IQSEC1: variants seen among roughly 807,000 people sequenced by gnomAD.
IQSEC1 encodes the protein IQ motif and SEC7 domain-containing protein 1.
In IQSEC1, 31 loss-of-function variants were observed where a neutral mutation model predicts 91.0. The observed-to-expected ratio is 0.34, with a 90% CI of 0.26 to 0.46. The LOEUF is 0.46. Among genes scored for constraint, IQSEC1 ranks in the 20% least tolerant of loss-of-function variants. IQSEC1 has a pLI of 1.00. For synonymous variants in IQSEC1, 699 were observed against 662.6 expected (o/e 1.05, Z -0.84); for missense variants, 1,388 against 1,575.6 (o/e 0.88, Z 2.02).
intron 1 of IQSEC1, among the ~76,000 whole-genome samples, chr3:13,234,252 G>A (rs548288001): frequency 7.5e-5 from 11 of 147,026 alleles, no homozygotes; most frequent in Non-Finnish European, 9.1e-5. Context: ...GTGAGCCCCC[G>A]TGTCTGTGCC....
At chr3:12,973,459 C>T (rs1441446579) in intron 1 of IQSEC1, among the ~76,000 whole-genome samples, 1 of 152,176 alleles carries the variant, frequency 6.6e-6, no homozygotes, top group Non-Finnish European at 1.5e-5. Flanking sequence ...GTGGGCACCT[C>T]GACGGTAGGG....
intron 2 of IQSEC1, among the ~76,000 whole-genome samples, chr3:13,084,609 T>A (rs1705704677): frequency 6.6e-6 from 1 of 152,192 alleles, no homozygotes; most frequent in Admixed American, 6.5e-5. Flanking sequence ...CAACAGCATC[T>A]GCCAGTCCCA....
intron 2 of IQSEC1, among the ~76,000 whole-genome samples, chr3:13,101,782 A>G (rs1706069332): frequency 6.6e-6 from 1 of 152,180 alleles, no homozygotes. Context: ...GGCTGGAGAT[A>G]TAAATTTGGG....
At chr3:12,998,440 A>G (rs186114768) in intron 1 of IQSEC1, among the ~76,000 whole-genome samples, 8 of 152,262 alleles carry the variant, frequency 5.3e-5, no homozygotes, top group African/African-American at 1.9e-4. Context: ...AATCCCCAAG[A>G]TATTTTGGTA....
Position 13,103,639 on chromosome 3 carries a change from G to A in IQSEC1, c.303-56117C>T, listed in dbSNP as rs1349000123. On this transcript the variant is annotated intron_variant, in intron 2 of 15. Transcript: ENST00000648114. The surrounding 1 kb of genome is among the most constrained non-coding windows in gnomAD (Gnocchi z 4.1). ...GCAATTTGCAGGATGAGCTTCACAT[G>A]CAGCACGCACTGGGGGTCTGGCTGG... 6.6e-6 allele frequency among the ~76,000 whole-genome samples: 1 copy of A among 152,098 alleles called. No homozygotes were observed. The highest frequency in any genetic ancestry group is 6.5e-5 in the Admixed American group (1 of 15,278).
chr3:12,915,684 A>G lies in IQSEC1; in HGVS notation c.2070T>C (p.Tyr690=). The G allele has an allele frequency of 1.9e-6, 3 of 1,614,178 alleles. No homozygotes were observed. Among genetic ancestry groups the G allele is most frequent in the South Asian group, 2.2e-5 (2 of 91,086 alleles). ...DIPREMLMGI[Y]ERIRKRELKT... ...TTAGCTCTCGCTTACGGATCCGTTC[A>G]TAGATCCCCATCAGCATCTCACGGG... Residue 690 remains tyrosine, a synonymous_variant, in exon 7 of 14, where the codon TAT becomes TAC. Coordinates refer to ENST00000613206, the MANE Select transcript of IQSEC1 (RefSeq NM_001134382.3).
chr3:13,111,001 G>C (rs1238101118), intron 2 of IQSEC1, among the ~76,000 whole-genome samples: 1 of 152,206 alleles, frequency 6.6e-6, no homozygotes, highest in Admixed American at 6.5e-5. Flanking sequence ...ATGAAGATGA[G>C]AGTTCAGAAA....
chr3:13,196,922 G>A (rs1694140377), intron 1 of IQSEC1, among the ~76,000 whole-genome samples: 1 of 152,124 alleles, frequency 6.6e-6, no homozygotes, highest in East Asian at 1.9e-4. Flanking sequence ...TGGGATCCGG[G>A]TGGGGGTGTC....
chr3:13,246,996 T>C (rs766216579), intron 1 of IQSEC1, among the ~76,000 whole-genome samples: 1 of 152,120 alleles, frequency 6.6e-6, no homozygotes, highest in Non-Finnish European at 1.5e-5. Flanking sequence ...AGGCCTTTCT[T>C]GAAAGGAGGT....
intron 1 of IQSEC1, among the ~76,000 whole-genome samples, chr3:13,225,031 G>T (rs971721847): frequency 6.6e-6 from 1 of 152,276 alleles, no homozygotes; most frequent in African/African-American, 2.4e-5. Context: ...CCCAGCAGTA[G>T]TGAGACATTC....
rs560657459 is a variant in IQSEC1 at position 13,009,459 on chromosome 3, C to T, written c.23+63533G>A. Among the ~76,000 whole-genome samples, 7 of 152,086 alleles carry T rather than the reference C, an allele frequency of 4.6e-5. No individual in the cohort carries two copies. The East Asian group carries it at 9.7e-4, about 21-fold the overall frequency. ...AGAGTGGCTGTTTCCCCATCCTGCCCGCTCTCCGCCCTGGCCCTGAGCCAG... is the reference window on the plus strand; with the variant it reads ...AGAGTGGCTGTTTCCCCATCCTGCCTGCTCTCCGCCCTGGCCCTGAGCCAG... On this transcript the variant is annotated intron_variant, in intron 1 of 13. Transcript: ENST00000613206.
At chr3:13,187,861 G>A (rs1457828009) in intron 1 of IQSEC1, among the ~76,000 whole-genome samples, 2 of 152,146 alleles carry the variant, frequency 1.3e-5, no homozygotes, top group African/African-American at 2.4e-5. Context: ...AACCTCCCAT[G>A]GCAGAAAGGA....
At chr3:13,117,213 A>T (rs1218904866) in intron 2 of IQSEC1, among the ~76,000 whole-genome samples, 4 of 146,768 alleles carry the variant, frequency 2.7e-5, no homozygotes, top group African/African-American at 1.0e-4. Flanking sequence ...TAGGCACATG[A>T]GATGATGTTC....
At chr3:13,222,021 T>A (rs114363854) in intron 1 of IQSEC1, among the ~76,000 whole-genome samples, 1 of 152,232 alleles carries the variant, frequency 6.6e-6, no homozygotes, top group Non-Finnish European at 1.5e-5. Context: ...CTTTTCATTA[T>A]GGTAAAGGAT....
intron 1 of IQSEC1, among the ~76,000 whole-genome samples, chr3:13,237,353 G>A (rs778024017): frequency 2.0e-5 from 3 of 152,162 alleles, no homozygotes; most frequent in South Asian, 2.1e-4. Flanking sequence ...AGGGCCTCCC[G>A]TTTGCACAAA....
intron 1 of IQSEC1, among the ~76,000 whole-genome samples, chr3:13,166,677 C>T (rs987734684): frequency 2.0e-5 from 3 of 152,218 alleles, no homozygotes; most frequent in South Asian, 2.1e-4. Flanking sequence ...ACCACCTACC[C>T]GAGGTGTGGT....
rs1333758844 is a variant in IQSEC1 at position 12,940,755 on chromosome 3, C to T, written c.318+816G>A. Among the ~76,000 whole-genome samples the T allele has an allele frequency of 6.6e-6, 1 of 152,218 alleles. No individual in the cohort carries two copies. Among genetic ancestry groups the T allele is most frequent in the Admixed American group, 6.5e-5 (1 of 15,286 alleles). ...GTCCATGCACTGGCCCACTCACCCC[C>T]TCACTCATCCATCTGTGCAGTCACT... On this transcript the variant is annotated intron_variant, in intron 2 of 13. Coordinates refer to ENST00000613206, the MANE Select transcript of IQSEC1 (RefSeq NM_001134382.3). The surrounding 1 kb of genome is among the most constrained non-coding windows in gnomAD (Gnocchi z 4.4).
At chr3:12,926,748 T>C (rs1394290126) in intron 3 of IQSEC1, among the ~76,000 whole-genome samples, 3 of 152,218 alleles carry the variant, frequency 2.0e-5, no homozygotes, top group South Asian at 2.1e-4. Context: ...ACCTGCACAG[T>C]TCCTGGCTGA....
At chr3:13,108,098 C>G (rs532653701) in intron 2 of IQSEC1, among the ~76,000 whole-genome samples, 4 of 152,238 alleles carry the variant, frequency 2.6e-5, no homozygotes, top group Non-Finnish European at 5.9e-5. Context: ...TACCTTTCTG[C>G]GAATTTCCCC....
Sources: gnomAD v4.1 joint callset for allele counts (sites outside exome capture counted in the v4.1 genomes callset) on GRCh38, gnomAD v4.1.1 for gene constraint, Gnocchi (gnomAD v3.1) non-coding constraint, MANE v1.5 for transcripts, NCBI Gene and HGNC (gene_info 2026-07-23, HGNC 2026-07-21) for gene names.